Variants in TBL1XR1 observed in about 807,000 individuals in gnomAD.
The protein encoded by TBL1XR1 is F-box-like/WD repeat-containing protein TBL1XR1.
A neutral mutation model predicts 66.9 loss-of-function variants in TBL1XR1; 5 were observed. That is an observed-to-expected ratio of 0.07 (90% CI 0.04 to 0.16). The LOEUF (loss-of-function observed/expected upper bound fraction) is 0.16, where lower values mean the gene tolerates loss of function less well. Ranked by LOEUF, TBL1XR1 falls within the 10% of genes least tolerant of loss-of-function variation. TBL1XR1 has a pLI of 1.00. For missense variants in TBL1XR1, 238 were observed against 623.2 expected (o/e 0.38, Z 6.58); for synonymous variants, 210 against 206.0 (o/e 1.02, Z -0.17).
intron 4 of TBL1XR1, among the ~76,000 whole-genome samples, chr3:177,051,938 A>G (rs1301031043): frequency 1.3e-5 from 2 of 152,204 alleles, no homozygotes; most frequent in Admixed American, 1.3e-4. Context: ...CATTTAATTC[A>G]TACTATTATT....
At chr3:177,082,277 A>C (rs1052610133) in intron 2 of TBL1XR1, among the ~76,000 whole-genome samples, 1 of 152,148 alleles carries the variant, frequency 6.6e-6, no homozygotes, top group Non-Finnish European at 1.5e-5. Flanking sequence ...AAGAAGTCCA[A>C]ATTTTTGGTT....
intron 10 of TBL1XR1, among the ~76,000 whole-genome samples, chr3:177,040,026 A>T (rs886747530): frequency 1.3e-5 from 2 of 152,220 alleles, no homozygotes; most frequent in Non-Finnish European, 2.9e-5. Context: ...TAAAGGGGAA[A>T]AACAGGAGAG....
chr3:177,084,955 C>G (rs1237404620), intron 2 of TBL1XR1, among the ~76,000 whole-genome samples: 1 of 152,200 alleles, frequency 6.6e-6, no homozygotes. Flanking sequence ...AATTATAACT[C>G]TCTACTATTC....
intron 1 of TBL1XR1, among the ~76,000 whole-genome samples, chr3:177,174,088 G>A (rs1733874612): frequency 6.6e-6 from 1 of 152,010 alleles, no homozygotes; most frequent in African/African-American, 2.4e-5. Context: ...TCTCAAATAA[G>A]CATCTAATTT....
intron 10 of TBL1XR1, among the ~76,000 whole-genome samples, chr3:177,041,991 T>A (rs2108453269): frequency 6.6e-6 from 1 of 152,284 alleles, no homozygotes; most frequent in African/African-American, 2.4e-5. Context: ...GTCTCTTGGT[T>A]ACCTCCTATT....
chr3:177,091,400 T>C (rs991743823), intron 2 of TBL1XR1, among the ~76,000 whole-genome samples: 2 of 152,100 alleles, frequency 1.3e-5, no homozygotes, highest in Non-Finnish European at 2.9e-5. Context: ...ATATTAACTA[T>C]TGCATATTAT....
intron 2 of TBL1XR1, among the ~76,000 whole-genome samples, chr3:177,094,746 C>T (rs1050999474): frequency 6.6e-6 from 1 of 151,994 alleles, no homozygotes; most frequent in African/African-American, 2.4e-5. Flanking sequence ...CATGTTCTCA[C>T]TCATAAGTGA....
chr3:177,164,350 A>G, intron 1 of TBL1XR1, among the ~76,000 whole-genome samples: 1 of 142,832 alleles, frequency 7.0e-6, no homozygotes, highest in East Asian at 2.0e-4. Flanking sequence ...CCTATTTTCA[A>G]TTTTTTTTTT....
intron 14 of TBL1XR1, among the ~76,000 whole-genome samples, chr3:177,031,941 T>C (rs1241149868): frequency 2.0e-5 from 3 of 151,882 alleles, no homozygotes; most frequent in African/African-American, 7.3e-5. Flanking sequence ...TTGAAAATAA[T>C]GGAAAAAACA....
intron 2 of TBL1XR1, among the ~76,000 whole-genome samples, chr3:177,080,464 T>C (rs1721258280): frequency 6.6e-6 from 1 of 152,064 alleles, no homozygotes; most frequent in African/African-American, 2.4e-5. Context: ...TTAGAGTAAA[T>C]TAAACTATTT....
chr3:177,098,169 G>A (rs960491935), intron 2 of TBL1XR1, among the ~76,000 whole-genome samples: 7 of 152,076 alleles, frequency 4.6e-5, no homozygotes, highest in African/African-American at 1.7e-4. Context: ...CGGAGATCAC[G>A]CCATTGCACT....
chr3:177,065,049 T>C, intron 2 of TBL1XR1, 27 bp from the exon 3 acceptor site: 2 of 1,318,482 alleles, frequency 1.5e-6, no homozygotes, highest in Non-Finnish European at 2.0e-6. Flanking sequence ...GTTAATTATT[T>C]TCTCAGTAAA....
intron 1 of TBL1XR1, among the ~76,000 whole-genome samples, chr3:177,100,793 A>C (rs558263111): frequency 1.3e-3 from 195 of 152,200 alleles, no homozygotes; most frequent in African/African-American, 4.5e-3. Context: ...TAAAATGATT[A>C]GATAATAGCA....
At chr3:177,180,377 C>T (rs200612124) in intron 1 of TBL1XR1, among the ~76,000 whole-genome samples, 1 of 141,708 alleles carries the variant, frequency 7.1e-6, no homozygotes, top group Non-Finnish European at 1.5e-5. Flanking sequence ...TTCATTCCCC[C>T]CCCCCCCATT....
intron 1 of TBL1XR1, among the ~76,000 whole-genome samples, chr3:177,169,709 CA>C (rs1733236874): frequency 6.6e-6 from 1 of 152,200 alleles, no homozygotes; most frequent in African/African-American, 2.4e-5. Flanking sequence ...ACTAATCCCT[CA>C]CTCTTTCTTC....
At chr3:177,088,710 TAAAAA>T (rs141356787) in intron 2 of TBL1XR1, among the ~76,000 whole-genome samples, 1 of 126,920 alleles carries the variant, frequency 7.9e-6, no homozygotes, top group Non-Finnish European at 1.7e-5. Context: ...TTCATTTGTT[TAAAAA>T]AAAAAAAAAG....
At chr3:177,076,367 T>G (rs112689380) in intron 2 of TBL1XR1, among the ~76,000 whole-genome samples, 17 of 152,334 alleles carry the variant, frequency 1.1e-4, no homozygotes, top group African/African-American at 4.1e-4. Context: ...CACACTGTTC[T>G]CCCTCTGTAT....
At chr3:177,102,087 G>C (rs918509230) in intron 1 of TBL1XR1, among the ~76,000 whole-genome samples, 2 of 151,982 alleles carry the variant, frequency 1.3e-5, no homozygotes, top group African/African-American at 4.8e-5. Context: ...CATTCTTCCA[G>C]TTTCTTTTTC....
chr3:177,148,696 G>C (rs953142629), intron 1 of TBL1XR1, among the ~76,000 whole-genome samples: 9 of 149,690 alleles, frequency 6.0e-5, no homozygotes, highest in African/African-American at 2.2e-4. Context: ...AACAGAATAA[G>C]ACTCGAGAAA....
Sources: gnomAD v4.1 joint callset for allele counts (sites outside exome capture counted in the v4.1 genomes callset) on GRCh38, gnomAD v4.1.1 for gene constraint, MANE v1.5 for transcripts, NCBI Gene and HGNC (gene_info 2026-07-23, HGNC 2026-07-21) for gene names.